The following TAFA5 variants were observed in gnomAD, a reference collection of about 807,000 sequenced individuals.
TAFA5 encodes the protein TAFA chemokine like family member 5, also known as chemokine-like protein TAFA-5.
In TAFA5, 6 loss-of-function variants were observed where a neutral mutation model predicts 15.3. The ratio of observed to expected loss-of-function variants is 0.39; its 90% confidence interval spans 0.21 to 0.77. TAFA5 has a LOEUF of 0.77. Ranked by LOEUF, TAFA5 falls within the 30% of genes least tolerant of loss-of-function variation. The pLI, the probability that TAFA5 is intolerant of heterozygous loss-of-function variation, is 0.41. For synonymous variants in TAFA5, 103 were observed against 80.7 expected (o/e 1.28, Z -1.48); for missense variants, 161 against 193.1 (o/e 0.83, Z 0.98).
chr22:48,540,989 C>G (rs540633733), intron 1 of TAFA5, among the ~76,000 whole-genome samples: 1 of 152,108 alleles, frequency 6.6e-6, no homozygotes, highest in Non-Finnish European at 1.5e-5. Context: ...TGGGCCAAAC[C>G]CTGCAGAGGG....
chr22:48,719,824 T>C (rs956592839), intron 3 of TAFA5, among the ~76,000 whole-genome samples: 16 of 152,188 alleles, frequency 1.1e-4, no homozygotes, highest in African/African-American at 3.9e-4. Flanking sequence ...ATTCTGTGTG[T>C]AAACAAAAAC....
At chr22:48,511,606 G>T (rs5767178) in intron 1 of TAFA5, among the ~76,000 whole-genome samples, 73,126 of 152,074 alleles carry the variant, frequency 0.48, 18,595 homozygotes, top group Middle Eastern at 0.58. Context: ...ACAGACAGAG[G>T]CGTCTGCTGT....
At chr22:48,548,282 G>A (rs1362743324) in intron 1 of TAFA5, among the ~76,000 whole-genome samples, 1 of 152,220 alleles carries the variant, frequency 6.6e-6, no homozygotes, top group Non-Finnish European at 1.5e-5. Flanking sequence ...ATGTGCAGCT[G>A]CAGTCCCGAA....
chr22:48,677,613 G>A (rs952710069), intron 2 of TAFA5, among the ~76,000 whole-genome samples: 2 of 152,196 alleles, frequency 1.3e-5, no homozygotes, highest in Non-Finnish European at 2.9e-5. Context: ...GCCTGAGTTT[G>A]GAGTCCAGGC....
At chr22:48,681,414 G>A (rs539960460) in intron 2 of TAFA5, among the ~76,000 whole-genome samples, 1 of 151,628 alleles carries the variant, frequency 6.6e-6, no homozygotes, top group Non-Finnish European at 1.5e-5. Flanking sequence ...AGGCTGAGGC[G>A]GGTGGATTGC....
chr22:48,672,540 G>C (rs192738246), intron 2 of TAFA5, among the ~76,000 whole-genome samples: 1 of 152,190 alleles, frequency 6.6e-6, no homozygotes, highest in Non-Finnish European at 1.5e-5. Flanking sequence ...GTGTGATACC[G>C]TGGCTGGGTA....
chr22:48,574,779 G>A (rs1017847884), intron 1 of TAFA5, among the ~76,000 whole-genome samples: 2 of 152,206 alleles, frequency 1.3e-5, no homozygotes, highest in African/African-American at 4.8e-5. Flanking sequence ...TTGGTACTGG[G>A]CTCTGGGGCG....
intron 3 of TAFA5, among the ~76,000 whole-genome samples, chr22:48,725,093 G>A (rs1302205626): frequency 2.0e-5 from 3 of 152,280 alleles, no homozygotes; most frequent in Non-Finnish European, 2.9e-5. Context: ...CCAGCCCTGA[G>A]GAGCCGCCTC....
intron 1 of TAFA5, among the ~76,000 whole-genome samples, chr22:48,526,169 G>T (rs1921774710): frequency 1.3e-5 from 2 of 152,324 alleles, no homozygotes; most frequent in Non-Finnish European, 2.9e-5. Flanking sequence ...GCATGAAGGG[G>T]CTGTCCAGGG....
intron 1 of TAFA5, among the ~76,000 whole-genome samples, chr22:48,581,446 A>C (rs1924036254): frequency 6.6e-6 from 1 of 152,172 alleles, no homozygotes; most frequent in Non-Finnish European, 1.5e-5. Context: ...CGTGCTGAGC[A>C]CAGTGCGAGA....
chr22:48,653,775 C>T (rs1214111771), intron 2 of TAFA5, among the ~76,000 whole-genome samples: 1 of 152,134 alleles, frequency 6.6e-6, no homozygotes, highest in African/African-American at 2.4e-5. Context: ...TGAATGTCCC[C>T]CTCTGTGAAG....
chr22:48,551,087 G>A (rs1243837182), intron 1 of TAFA5, among the ~76,000 whole-genome samples: 1 of 151,974 alleles, frequency 6.6e-6, no homozygotes, highest in Non-Finnish European at 1.5e-5. Flanking sequence ...GTGCCCCTCT[G>A]GGGCACGGGG....
intron 2 of TAFA5, among the ~76,000 whole-genome samples, chr22:48,658,042 A>G (rs1927307420): frequency 6.6e-6 from 1 of 152,160 alleles, no homozygotes; most frequent in South Asian, 2.1e-4. Context: ...TCTTTGAGGA[A>G]ATTCTCTCCA....
chr22:48,508,028 G>A (rs1391764700), intron 1 of TAFA5, among the ~76,000 whole-genome samples: 2 of 152,120 alleles, frequency 1.3e-5, no homozygotes, highest in South Asian at 2.1e-4. Context: ...TTGGGCAGTG[G>A]GGAGAACTGT....
intron 2 of TAFA5, among the ~76,000 whole-genome samples, chr22:48,648,311 C>T (rs1220328706): frequency 6.6e-6 from 1 of 152,148 alleles, no homozygotes; most frequent in East Asian, 1.9e-4. Context: ...TCCTTTCCTC[C>T]CCCACTCCCC....
At chr22:48,578,933 CCAG>C (rs943080484) in intron 1 of TAFA5, among the ~76,000 whole-genome samples, 16 of 152,206 alleles carry the variant, frequency 1.1e-4, no homozygotes, top group Admixed American at 2.6e-4. Context: ...CAGCCGCTGT[CCAG>C]CAGGAGGGAG....
chr22:48,686,051 G>A (rs934166268), intron 2 of TAFA5, among the ~76,000 whole-genome samples: 2 of 152,218 alleles, frequency 1.3e-5, no homozygotes, highest in African/African-American at 2.4e-5. Flanking sequence ...CGTGTGCCCC[G>A]GGAGTTGGAA....
At chr22:48,608,660 G>A (rs1188264815) in intron 1 of TAFA5, among the ~76,000 whole-genome samples, 1 of 152,270 alleles carries the variant, frequency 6.6e-6, no homozygotes, top group Non-Finnish European at 1.5e-5. Flanking sequence ...CAATCCTGGT[G>A]AGGAAGGGCT....
intron 1 of TAFA5, among the ~76,000 whole-genome samples, chr22:48,506,503 G>A (rs771697170): frequency 6.6e-6 from 1 of 152,136 alleles, no homozygotes; most frequent in Non-Finnish European, 1.5e-5. Context: ...GCAGTGGATC[G>A]TCTATCTGAG....
Sources: allele counts gnomAD v4.1 joint callset (sites outside exome capture counted in the v4.1 genomes callset), GRCh38; gene constraint gnomAD v4.1.1; transcripts MANE v1.5; gene names NCBI Gene and HGNC (gene_info 2026-07-23, HGNC 2026-07-21).